BRPF3: variants seen among roughly 807,000 people sequenced by gnomAD.
The protein encoded by BRPF3 is bromodomain and PHD finger containing 3.
A neutral mutation model predicts 102.0 loss-of-function variants in BRPF3; 18 were observed. That is an observed-to-expected ratio of 0.18 (90% confidence interval 0.12 to 0.26). BRPF3 has a LOEUF of 0.26. Ranked by LOEUF, BRPF3 falls within the 10% of genes least tolerant of loss-of-function variation. The probability of loss-of-function intolerance (pLI) is 1.00; values close to 1 mark genes in which losing one functional copy is unlikely to be tolerated. For missense variants in BRPF3, 1,147 were observed against 1,567.8 expected, an observed-to-expected ratio of 0.73 and a Z score of 4.53; for synonymous variants, 570 against 614.2, an observed-to-expected ratio of 0.93 and a Z score of 1.06.
intron 12 of BRPF3, among the ~76,000 whole-genome samples, chr6:36,229,515 C>T (rs539824334): frequency 6.6e-5 from 10 of 152,270 alleles, no homozygotes; most frequent in Admixed American, 3.9e-4. Flanking sequence ...AGAGTGATTC[C>T]TAGAGAGGGA....
chr6:36,225,185 C>G, intron 10 of BRPF3, 82 bp from the exon 11 acceptor site: 1 of 1,164,218 alleles, frequency 8.6e-7, no homozygotes. Flanking sequence ...TTGCCCCAGT[C>G]AAGTGGAGGC....
Position 36,200,254 on chromosome 6 carries a change from A to C in BRPF3, c.-26-43A>C. 1 of 1,518,984 alleles carries C rather than the reference A, an allele frequency of 6.6e-7. No individual in the cohort carries two copies. Among genetic ancestry groups the C allele is most frequent in the Non-Finnish European group, 8.8e-7 (1 of 1,137,528 alleles). 94.1% of individuals were successfully genotyped at this position (1,518,984 alleles called of 1,614,324 possible). ...ATCATATGGGAGGATGAATGGGTGC[A>C]TAAGGGCATCCAACTCATAGTCTCC... is the stretch of plus-strand genomic sequence containing the variant. On this transcript the variant is annotated intron_variant, in intron 1 of 12. Transcript: ENST00000357641. The surrounding 1 kb of genome is among the most constrained non-coding windows in gnomAD (Gnocchi z 5.3).
At chr6:36,197,063 C>CG (rs1409460217) in intron 1 of BRPF3, 93 bp downstream of exon 1, 2 of 125,762 alleles carry the variant, frequency 1.6e-5, no homozygotes, top group Admixed American at 8.0e-5. Flanking sequence ...ACCGGAGAAG[C>CG]GGGGGGCTTT....
intron 9 of BRPF3, among the ~76,000 whole-genome samples, chr6:36,220,688 G>A (rs994539926): frequency 6.6e-6 from 1 of 152,128 alleles, no homozygotes; most frequent in Non-Finnish European, 1.5e-5. Context: ...CTAATATGTT[G>A]GCAGATTTTT....
chr6:36,207,234 G>A, intron 3 of BRPF3, 79 bp from the exon 4 acceptor site: 1 of 1,548,382 alleles, frequency 6.5e-7, no homozygotes, highest in Non-Finnish European at 8.8e-7. Context: ...TTTACCTGCT[G>A]CAGCCCCGTG....
rs1768958070 is a variant in BRPF3, at chr6:36,232,118, T to C, written c.*1509T>C. On this transcript the variant is annotated 3_prime_UTR_variant, in exon 13 of 13. Coordinates refer to ENST00000357641, the MANE Select transcript of BRPF3 (RefSeq NM_015695.3). Reference sequence around the variant, plus strand: ...TATACATTTGGGACATGAGCCAGAGTTTAAAAGGGAACCAACAAAACACTA... The same window carrying C: ...TATACATTTGGGACATGAGCCAGAGCTTAAAAGGGAACCAACAAAACACTA... The C allele has an allele frequency of 6.6e-6, 1 of 152,430 alleles. No homozygotes were observed. The highest frequency in any genetic ancestry group is 6.6e-5 in the Admixed American group (1 of 15,266). The allele number at this position is 152,430 out of a possible 1,614,324, so 9.4% of individuals were successfully genotyped here. A position where few individuals can be genotyped will look rare whatever the true frequency, so the allele number is the denominator to read the frequency against.
chr6:36,226,480 A>G (rs1388226728), intron 11 of BRPF3, among the ~76,000 whole-genome samples: 1 of 152,180 alleles, frequency 6.6e-6, no homozygotes, highest in African/African-American at 2.4e-5. Context: ...AACAATACCC[A>G]TATCAAGTCA....
chr6:36,212,752 G>A (rs1444849852), intron 7 of BRPF3, among the ~76,000 whole-genome samples: 1 of 151,836 alleles, frequency 6.6e-6, no homozygotes, highest in African/African-American at 2.4e-5. Context: ...AGGAGATCGA[G>A]ACCATCCTGG....
Position 36,221,006 on chromosome 6 carries a change from A to AT in BRPF3, c.3084-1156dup, listed in dbSNP as rs566900063. Reference sequence around the variant, plus strand: ...CAGATTGATGACCTATTCTTTAAGCATTTTTTAGTGAGAAAATTTAAAGTT... The same window carrying AT: ...CAGATTGATGACCTATTCTTTAAGCATTTTTTTAGTGAGAAAATTTAAAGTT... On this transcript the variant is annotated intron_variant, in intron 9 of 12. Transcript: ENST00000357641. Among the ~76,000 whole-genome samples the AT allele has an allele frequency of 1.3e-3, 200 of 152,274 alleles. 4 individuals carry two copies. The highest frequency in any genetic ancestry group is 4.5e-3 in the African/African-American group (186 of 41,544).
At position 36,230,757 on chromosome 6, in the gene BRPF3, C is replaced by G. The variant is rs1270410259; in HGVS notation, c.*148C>G. The G allele has an allele frequency of 2.8e-6, 3 of 1,059,236 alleles. No homozygotes were observed. In the African/African-American group the frequency reaches 4.8e-5, roughly 17 times the overall value. The allele number at this position is 1,059,236 out of a possible 1,614,324, so 65.6% of individuals were successfully genotyped here. ...GGCTTTCTCCCCACTAAGGGCAAGG[C>G]CCCAGTTTTGACCAATCGCATGGTT... On this transcript the variant is annotated 3_prime_UTR_variant, in exon 13 of 13. Transcript: ENST00000357641. The surrounding 1 kb of genome is among the most constrained non-coding windows in gnomAD (Gnocchi z 5.4).
chr6:36,214,365 C>G lies in BRPF3; in HGVS notation c.2968C>G (p.Pro990Ala), dbSNP rs1236579793. 8.2e-6 allele frequency: 13 copies of G among 1,589,392 alleles called. No individual in the cohort carries two copies. The highest frequency in any genetic ancestry group is 1.3e-5 in the African/African-American group (1 of 74,232). The change falls in exon 8 of 13, where the codon CCC becomes GCC. Residue 990 changes from proline to alanine, a missense_variant. Transcript: ENST00000357641. ...TAGTGAGAGCGAAGGGGAGAGGTCC[C>G]CCCAGCAGGAGGAAGAGACAGGTGA... is the stretch of plus-strand genomic sequence containing the variant. ...SCSESEGERS[P>A]QQEEETGMTN...
rs1042268789 is a variant in BRPF3 at position 36,210,684 on chromosome 6, G to C, written c.2179+156G>C. ...AGACTGAGGTATACCTTTGTGGCTA[G>C]AATAGTTCTAAGGGTTAAAGTTTAA... On this transcript the variant is annotated intron_variant, in intron 6 of 12. Transcript: ENST00000357641. The surrounding 1 kb of genome is among the most constrained non-coding windows in gnomAD (Gnocchi z 4.7). Among the ~76,000 whole-genome samples the C allele has an allele frequency of 1.3e-5, 2 of 152,220 alleles. No individual in the cohort carries two copies. Among genetic ancestry groups the C allele is most frequent in the African/African-American group, 4.8e-5 (2 of 41,460 alleles).
At chr6:36,207,528 C>T in intron 4 of BRPF3, 84 bp downstream of exon 4, 1 of 1,517,598 alleles carries the variant, frequency 6.6e-7, no homozygotes, top group East Asian at 2.4e-5. Context: ...ATCTGGGAGC[C>T]CCTGCCTTAT....
At chr6:36,206,719 T>C (rs1404499466) in intron 3 of BRPF3, among the ~76,000 whole-genome samples, 1 of 152,238 alleles carries the variant, frequency 6.6e-6, no homozygotes, top group Admixed American at 6.5e-5. Flanking sequence ...AGGAAGCTTC[T>C]CTGATCTAAC....
At chr6:36,227,924 A>G (rs2127298070) in intron 11 of BRPF3, among the ~76,000 whole-genome samples, 1 of 152,320 alleles carries the variant, frequency 6.6e-6, no homozygotes, top group Non-Finnish European at 1.5e-5. Flanking sequence ...GAAGGGGCCC[A>G]CTGGGACAGC....
chr6:36,215,210 G>A (rs940053223), intron 8 of BRPF3, among the ~76,000 whole-genome samples: 1 of 152,042 alleles, frequency 6.6e-6, no homozygotes, highest in Non-Finnish European at 1.5e-5. Flanking sequence ...TCTGCCTCCT[G>A]GGTTCAAGCA....
In BRPF3 at chr6:36,231,100, C is replaced by T. The variant is rs187400179; in HGVS notation, c.*491C>T. The T allele has an allele frequency of 1.1e-3, 168 of 155,870 alleles. No homozygotes were observed. The highest frequency in any genetic ancestry group is 3.5e-3 in the African/African-American group (144 of 41,642). 9.7% of individuals were successfully genotyped at this position (155,870 alleles called of 1,614,324 possible). ...TATCGCCTATTCTCACACCTCTTCTCGGTCCCATCTTCTGCACCCATTGCC... is the reference window on the plus strand; with the variant it reads ...TATCGCCTATTCTCACACCTCTTCTTGGTCCCATCTTCTGCACCCATTGCC... On this transcript the variant is annotated 3_prime_UTR_variant, in exon 13 of 13. Transcript: ENST00000357641.
Position 36,200,297 on chromosome 6 carries a change from G to A in BRPF3, c.-26G>A, listed in dbSNP as rs763208800. Reference sequence around the variant, plus strand: ...TAGTCTCCTGGCCTTCTCTCCTTAGGCCTGTCCCCTCAGTTCCCAGGTGCC... The same window carrying A: ...TAGTCTCCTGGCCTTCTCTCCTTAGACCTGTCCCCTCAGTTCCCAGGTGCC... On this transcript the variant is annotated splice_region_variant and 5_prime_UTR_variant, in exon 2 of 13. Coordinates refer to ENST00000357641, the MANE Select transcript of BRPF3 (RefSeq NM_015695.3). This position sits in a 1 kb window ranked among gnomAD's most constrained non-coding sequence, Gnocchi z 5.3. 1 of 1,603,430 alleles carries A rather than the reference G, an allele frequency of 6.2e-7. No individual in the cohort carries two copies. The highest frequency in any genetic ancestry group is 8.5e-7 in the Non-Finnish European group (1 of 1,174,746).
intron 8 of BRPF3, 30 bp from the exon 9 acceptor site, chr6:36,217,886 CA>C: frequency 6.3e-7 from 1 of 1,599,738 alleles, no homozygotes; most frequent in Non-Finnish European, 8.6e-7. Flanking sequence ...GGGATTTCTG[CA>C]CTCAGACTCA....
Sources: allele counts gnomAD v4.1 joint callset (sites outside exome capture counted in the v4.1 genomes callset), GRCh38; gene constraint gnomAD v4.1.1; non-coding constraint Gnocchi (gnomAD v3.1); transcripts MANE v1.5; gene names NCBI Gene and HGNC (gene_info 2026-07-23, HGNC 2026-07-21).